ZNF675: variants seen among roughly 807,000 people sequenced by gnomAD.
ZNF675 encodes the protein zinc finger protein 675.
Under a neutral mutation model 56.1 loss-of-function variants are expected in ZNF675, and 36 were observed. That is an observed-to-expected ratio of 0.64 (90% CI 0.49 to 0.85). ZNF675 has a LOEUF of 0.85. ZNF675 is among the 40% of genes least tolerant of loss of function. The pLI is 0.00. For synonymous variants in ZNF675, 200 were observed against 218.9 expected, an observed-to-expected ratio of 0.91 and a Z score of 0.76; for missense variants, 663 against 654.2, an observed-to-expected ratio of 1.01 and a Z score of -0.15.
intron 3 of ZNF675, chr19:23,655,117 G>T (rs1480079376): frequency 6.5e-6 from 1 of 153,248 alleles, no homozygotes; most frequent in Non-Finnish European, 1.4e-5. Context: ...GGAGCCTGTA[G>T]TCCCAGCTAA....
chr19:23,665,581 C>T (rs1308445076), intron 1 of ZNF675, among the ~76,000 whole-genome samples: 1 of 151,830 alleles, frequency 6.6e-6, no homozygotes, highest in Non-Finnish European at 1.5e-5. Flanking sequence ...CTGCAACCTC[C>T]GCCCCCTGGG....
intron 3 of ZNF675, 91 bp from the exon 4 acceptor site, chr19:23,654,797 C>A: frequency 9.4e-7 from 1 of 1,059,010 alleles, no homozygotes. Context: ...ACTACATAAG[C>A]AAGATGGCAC....
intron 3 of ZNF675, among the ~76,000 whole-genome samples, chr19:23,657,297 A>AT (rs1163561235): frequency 6.6e-6 from 1 of 152,190 alleles, no homozygotes; most frequent in African/African-American, 2.4e-5. Flanking sequence ...TTACAATTAA[A>AT]TTTTTTAAAA....
At position 23,654,188 on chromosome 19, in the gene ZNF675, C is replaced by G. The variant is rs756336005; in HGVS notation, c.745G>C (p.Asp249His). 1 of 1,613,932 alleles carries G rather than the reference C, an allele frequency of 6.2e-7. No homozygotes were observed. The highest frequency in any genetic ancestry group is 8.5e-7 in the Non-Finnish European group (1 of 1,179,970). The change falls in exon 4 of 4, where the codon GAT becomes CAT. Residue 249 changes from aspartate to histidine, a missense_variant. Coordinates refer to ENST00000359788, the MANE Select transcript of ZNF675 (RefSeq NM_138330.3). Reference protein sequence around the residue: ...QFSNLTEYKKDYAREKPYKCE... With the variant: ...QFSNLTEYKKHYAREKPYKCE... The stretch of plus-strand genomic sequence containing the variant: ...TTGTATGGTTTCTCTCGAGCATAAT[C>G]TTTTTTATATTCAGTAAGGTTTGAG...
intron 3 of ZNF675, chr19:23,655,728 G>C (rs1253998589): frequency 1.3e-5 from 2 of 152,126 alleles, no homozygotes; most frequent in Non-Finnish European, 2.9e-5. Context: ...TAACAGACCT[G>C]TACAAACCTT....
At chr19:23,655,087 A>C in intron 3 of ZNF675, 1 of 154,868 alleles carries the variant, frequency 6.5e-6, no homozygotes, top group Non-Finnish European at 1.4e-5. Context: ...TAGAAAAAAA[A>C]TTAGCCAGGC....
At chr19:23,677,991 A>T (rs1406634482) in intron 1 of ZNF675, among the ~76,000 whole-genome samples, 1 of 151,486 alleles carries the variant, frequency 6.6e-6, no homozygotes, top group Non-Finnish European at 1.5e-5. Context: ...GTGGTGGTGC[A>T]TGCCTGCAAT....
rs915158485 is a variant in ZNF675, at chr19:23,653,095, G to T, written c.*131C>A. On this transcript the variant is annotated 3_prime_UTR_variant, in exon 4 of 4. Coordinates refer to ENST00000359788, the MANE Select transcript of ZNF675 (RefSeq NM_138330.3). ...TCACACTTGTAGTTTTCTCCAGTAT[G>T]AATTATCTTACATACAATGAAGTGT... The T allele has an allele frequency of 4.7e-6, 4 of 854,242 alleles. No individual in the cohort carries two copies. Among genetic ancestry groups the T allele is most frequent in the Admixed American group, 6.3e-5 (2 of 31,932 alleles). 52.9% of individuals were successfully genotyped at this position (854,242 alleles called of 1,614,324 possible). A position where few individuals can be genotyped will look rare whatever the true frequency, so the allele number is the denominator to read the frequency against.
At position 23,687,141 on chromosome 19, in the gene ZNF675, G is replaced by T; in HGVS notation, c.-108C>A. The stretch of plus-strand genomic sequence containing the variant: ...CTAGGAGCAGAGGACACAGAGCAAT[G>T]AAAGCGAGACCTGGAGCTCCGGCTG... On this transcript the variant is annotated 5_prime_UTR_variant, in exon 1 of 4. The change creates a premature stop within an existing upstream ORF in the 5' untranslated region. Coordinates refer to ENST00000359788, the MANE Select transcript of ZNF675 (RefSeq NM_138330.3). 1 of 1,349,128 alleles carries T rather than the reference G, an allele frequency of 7.4e-7. No homozygotes were observed. Among genetic ancestry groups the T allele is most frequent in the South Asian group, 1.2e-5 (1 of 84,568 alleles). The allele number at this position is 1,349,128 out of a possible 1,614,324, so 83.6% of individuals were successfully genotyped here.
Position 23,654,685 on chromosome 19 carries a change from T to C in ZNF675, c.248A>G (p.Gln83Arg). 2 of 1,542,126 alleles carry C rather than the reference T, an allele frequency of 1.3e-6. No individual in the cohort carries two copies. The highest frequency in any genetic ancestry group is 1.7e-6 in the Non-Finnish European group (2 of 1,146,640). Residue 83 changes from glutamine (Q) to arginine (R), a missense_variant, in exon 4 of 4, where the codon CAA becomes CGA. Physicochemically the swap from Gln to Arg is conservative, Grantham distance 43. Transcript: ENST00000359788. ...EPPVMCSHFA[Q>R]EFWPEQNIKD... Reference sequence around the variant, plus strand: ...TATGTTCTGCTCTGGCCAAAACTCTTGGGCAAAATGAGAACACATTACTGA... The same window carrying C: ...TATGTTCTGCTCTGGCCAAAACTCTCGGGCAAAATGAGAACACATTACTGA...
chr19:23,666,060 G>A (rs970294453), intron 1 of ZNF675, among the ~76,000 whole-genome samples: 2 of 152,224 alleles, frequency 1.3e-5, no homozygotes, highest in Non-Finnish European at 2.9e-5. Context: ...AATGAGGCAA[G>A]AGAATAGGGT....
intron 1 of ZNF675, among the ~76,000 whole-genome samples, chr19:23,667,974 G>T (rs1369877548): frequency 6.6e-6 from 1 of 151,412 alleles, no homozygotes; most frequent in African/African-American, 2.4e-5. Context: ...CCCCACCAGA[G>T]CAGCTAGACA....
intron 1 of ZNF675, among the ~76,000 whole-genome samples, chr19:23,676,812 C>T (rs1160161540): frequency 2.7e-5 from 4 of 150,902 alleles, no homozygotes; most frequent in Non-Finnish European, 5.9e-5. Context: ...CGGTGGCTCA[C>T]GCCTGTAATC....
chr19:23,676,503 C>T (rs12974172), intron 1 of ZNF675, among the ~76,000 whole-genome samples: 75,685 of 151,362 alleles, frequency 0.5, 20,925 homozygotes, highest in Non-Finnish European at 0.62. Flanking sequence ...AAAGTTAATC[C>T]ACCATTATCA....
chr19:23,654,606 A>G lies in ZNF675; in HGVS notation c.327T>C (p.Asp109=), dbSNP rs759043829. 1.2e-5 allele frequency: 20 copies of G among 1,611,748 alleles called. No homozygotes were observed. In the Admixed American group the frequency reaches 2.8e-4, roughly 23 times the overall value. The stretch of plus-strand genomic sequence containing the variant: ...TTTTACAGCCTTTTAACTGAAAATT[A>G]TCATTTCCACATTTTTCATATCTTC... The part of the protein sequence containing the change: ...TLRRYEKCGN[D]NFQLKGCKSV... The change falls in exon 4 of 4, where the codon GAT becomes GAC. Residue 109 remains aspartate (D), a synonymous_variant. Transcript: ENST00000359788.
intron 1 of ZNF675, among the ~76,000 whole-genome samples, chr19:23,686,707 T>C (rs558812793): frequency 1.2e-4 from 18 of 152,242 alleles, no homozygotes; most frequent in Non-Finnish European, 2.2e-4. Context: ...ACCCGCACCC[T>C]GAGTCAGGAT....
intron 1 of ZNF675, among the ~76,000 whole-genome samples, chr19:23,682,396 G>C (rs1016810961): frequency 6.6e-6 from 1 of 151,684 alleles, no homozygotes; most frequent in South Asian, 2.1e-4. Context: ...TACTCCTTTG[G>C]AATTAAAATT....
At position 23,653,808 on chromosome 19, in the gene ZNF675, T is replaced by C. The variant is rs1400327543; in HGVS notation, c.1125A>G (p.Lys375=). The C allele has an allele frequency of 6.2e-7, 1 of 1,613,762 alleles. No homozygotes were observed. Among genetic ancestry groups the C allele is most frequent in the East Asian group, 2.2e-5 (1 of 44,870 alleles). ...EQPYKCEECG[K]AFNRSSNLTE... is the part of the protein sequence containing the mutation. ...TAAGATTTGAGGATCGGTTAAAAGC[T>C]TTGCCGCATTCCTCACATTTGTAGG... The change falls in exon 4 of 4, where the codon AAA becomes AAG. Residue 375 remains lysine, a synonymous_variant. Coordinates refer to ENST00000359788, the MANE Select transcript of ZNF675 (RefSeq NM_138330.3).
intron 1 of ZNF675, among the ~76,000 whole-genome samples, chr19:23,676,741 C>A (rs1408658645): frequency 6.6e-6 from 1 of 151,738 alleles, no homozygotes; most frequent in Middle Eastern, 3.2e-3. Context: ...AGCCAACATA[C>A]TGAATAGATA....
Sources: gnomAD v4.1 joint callset for allele counts (sites outside exome capture counted in the v4.1 genomes callset) on GRCh38, gnomAD v4.1.1 for gene constraint, MANE v1.5 for transcripts, NCBI Gene and HGNC (gene_info 2026-07-23, HGNC 2026-07-21) for gene names.